Variants in KCNC2 observed in about 807,000 individuals in gnomAD.
KCNC2 encodes the protein voltage-gated potassium channel KCNC2.
In KCNC2, 21 loss-of-function variants were observed where a neutral mutation model predicts 44.5. That is an observed-to-expected ratio of 0.47 (90% CI 0.33 to 0.68). The LOEUF is 0.68. Among genes scored for constraint, KCNC2 ranks in the 30% least tolerant of loss-of-function variants. The probability of loss-of-function intolerance (pLI) is 0.01; values close to 1 mark genes in which losing one functional copy is unlikely to be tolerated. For missense variants in KCNC2, 589 were observed against 826.2 expected (o/e 0.71, Z 3.52); for synonymous variants, 391 against 339.1 (o/e 1.15, Z -1.68).
chr12:75,164,040 A>G (rs933464033), intron 2 of KCNC2, among the ~76,000 whole-genome samples: 16 of 151,660 alleles, frequency 1.1e-4, no homozygotes, highest in Admixed American at 7.9e-4. Context: ...TGGATTCAGG[A>G]GCTCTCAAAG....
chr12:75,118,072 G>A (rs543996778), intron 2 of KCNC2, among the ~76,000 whole-genome samples: 4 of 152,204 alleles, frequency 2.6e-5, no homozygotes, highest in South Asian at 4.1e-4. Flanking sequence ...CTAACACAAG[G>A]CCTTCAAAGG....
At chr12:75,139,471 C>T (rs1452645546) in intron 2 of KCNC2, among the ~76,000 whole-genome samples, 1 of 152,146 alleles carries the variant, frequency 6.6e-6, no homozygotes, top group Non-Finnish European at 1.5e-5. Flanking sequence ...GCAAAATTTT[C>T]CCTGAAATGG....
At chr12:75,061,338 T>C (rs1882301007) in intron 2 of KCNC2, among the ~76,000 whole-genome samples, 1 of 152,056 alleles carries the variant, frequency 6.6e-6, no homozygotes, top group South Asian at 2.1e-4. Context: ...TGTCATCTTG[T>C]GTGACAAGAG....
At chr12:75,075,162 A>G (rs993466691) in intron 2 of KCNC2, among the ~76,000 whole-genome samples, 1 of 152,142 alleles carries the variant, frequency 6.6e-6, no homozygotes, top group African/African-American at 2.4e-5. Flanking sequence ...TCTGTGCAAG[A>G]AAGTGATGGG....
Position 75,041,312 on chromosome 12 carries a change from T to C in KCNC2, c.*1793A>G. 6.6e-7 allele frequency: 1 copy of C among 1,505,466 alleles called. No individual in the cohort carries two copies. The highest frequency in any genetic ancestry group is 8.9e-7 in the Non-Finnish European group (1 of 1,129,798). The allele number at this position is 1,505,466 out of a possible 1,614,324, so 93.3% of individuals were successfully genotyped here. On this transcript the variant is annotated 3_prime_UTR_variant, in exon 5 of 5. Coordinates refer to ENST00000549446, the MANE Select transcript of KCNC2 (RefSeq NM_139137.4). The stretch of plus-strand genomic sequence containing the variant: ...TGGTGTTATCAAAAGAATCACTGTG[T>C]CTCTAAATATCATATATGTATGTCT...
At chr12:75,148,960 G>T (rs11837311) in intron 2 of KCNC2, among the ~76,000 whole-genome samples, 2,418 of 149,196 alleles carry the variant, frequency 0.016, 66 homozygotes, top group African/African-American at 0.055. Context: ...TACATTTCTT[G>T]ATGTAAATGA....
At chr12:75,186,474 G>C (rs1242119312) in intron 2 of KCNC2, among the ~76,000 whole-genome samples, 1 of 151,518 alleles carries the variant, frequency 6.6e-6, no homozygotes, top group Non-Finnish European at 1.5e-5. Flanking sequence ...ATTCTATCAT[G>C]TGGATTGTTA....
chr12:75,099,940 C>T (rs188961226), intron 2 of KCNC2, among the ~76,000 whole-genome samples: 41 of 152,140 alleles, frequency 2.7e-4, no homozygotes, highest in Non-Finnish European at 4.1e-4. Flanking sequence ...AAATCAAACA[C>T]TTGATTAGAC....
intron 2 of KCNC2, among the ~76,000 whole-genome samples, chr12:75,075,450 T>A (rs549922652): frequency 6.4e-3 from 126 of 19,710 alleles, no homozygotes; most frequent in Non-Finnish European, 0.011. Context: ...GAGAGAAATA[T>A]ATATATACAT....
chr12:75,071,197 C>T (rs1026573357), intron 2 of KCNC2, among the ~76,000 whole-genome samples: 6 of 152,016 alleles, frequency 3.9e-5, no homozygotes, highest in South Asian at 2.1e-4. Context: ...TCAAAAATGA[C>T]CTGATGTATG....
At chr12:75,128,721 G>C (rs1308580982) in intron 2 of KCNC2, among the ~76,000 whole-genome samples, 1 of 152,110 alleles carries the variant, frequency 6.6e-6, no homozygotes, top group African/African-American at 2.4e-5. Context: ...AAAAAAAAAG[G>C]TTAAGCTTTA....
At chr12:75,107,953 A>C (rs1328490525) in intron 2 of KCNC2, among the ~76,000 whole-genome samples, 2 of 152,190 alleles carry the variant, frequency 1.3e-5, no homozygotes, top group African/African-American at 2.4e-5. Flanking sequence ...GACTTTTAAA[A>C]AAGAGGGAAA....
intron 2 of KCNC2, among the ~76,000 whole-genome samples, chr12:75,104,294 G>A (rs969402456): frequency 2.0e-5 from 3 of 152,182 alleles, no homozygotes; most frequent in Non-Finnish European, 4.4e-5. Flanking sequence ...GAAGGTTCAC[G>A]TCCCAAGTAG....
intron 2 of KCNC2, among the ~76,000 whole-genome samples, chr12:75,088,535 T>C (rs1487628283): frequency 6.6e-6 from 1 of 152,016 alleles, no homozygotes; most frequent in African/African-American, 2.4e-5. Flanking sequence ...TCAGATACCA[T>C]CTAGATAGAG....
At chr12:75,066,524 G>GAGA (rs2137012410) in intron 2 of KCNC2, among the ~76,000 whole-genome samples, 1 of 152,222 alleles carries the variant, frequency 6.6e-6, no homozygotes, top group East Asian at 1.9e-4. Flanking sequence ...CTTAACTTCT[G>GAGA]TTAATTTTAC....
At chr12:75,181,294 CT>C (rs1289159329) in intron 2 of KCNC2, among the ~76,000 whole-genome samples, 4 of 152,108 alleles carry the variant, frequency 2.6e-5, no homozygotes, top group Admixed American at 6.5e-5. Flanking sequence ...TGCTTTCCAA[CT>C]TCTAATATTA....
At chr12:75,084,251 T>TA (rs1565840210) in intron 2 of KCNC2, among the ~76,000 whole-genome samples, 3 of 135,408 alleles carry the variant, frequency 2.2e-5, no homozygotes, top group East Asian at 2.1e-4. Context: ...AGATAGATGA[T>TA]GATGATAGAT....
chr12:75,131,702 C>T (rs899368884), intron 2 of KCNC2, among the ~76,000 whole-genome samples: 1 of 152,084 alleles, frequency 6.6e-6, no homozygotes, highest in Non-Finnish European at 1.5e-5. Context: ...GGAAGTCAGG[C>T]CCTGTAGGAG....
In KCNC2 at chr12:75,207,771, G is replaced by C; in HGVS notation, c.213C>G (p.Ser71=). 1 of 1,577,774 alleles carries C rather than the reference G, an allele frequency of 6.3e-7. No homozygotes were observed. Among genetic ancestry groups the C allele is most frequent in the Non-Finnish European group, 8.6e-7 (1 of 1,162,858 alleles). The change falls in exon 2 of 5, where the codon TCC becomes TCG. Residue 71 remains serine (S), a synonymous_variant. Coordinates refer to ENST00000549446, the MANE Select transcript of KCNC2 (RefSeq NM_139137.4). This position sits in a 1 kb window ranked among gnomAD's most constrained non-coding sequence, Gnocchi z 4.1. ...CCTCGAAGCAGCCGCCTGGCCCGGG[G>C]GACAGCGGGGGCGCTCTCGGCGGCG... is the stretch of plus-strand genomic sequence containing the variant. ...LSPPPRAPPL[S]PGPGGCFEGG...
Sources: allele counts gnomAD v4.1 joint callset (sites outside exome capture counted in the v4.1 genomes callset), GRCh38; gene constraint gnomAD v4.1.1; non-coding constraint Gnocchi (gnomAD v3.1); transcripts MANE v1.5; gene names NCBI Gene and HGNC (gene_info 2026-07-23, HGNC 2026-07-21).